GABRR1: variants seen among roughly 807,000 people sequenced by gnomAD.
GABRR1 encodes gamma-aminobutyric acid receptor subunit rho-1.
In GABRR1, 59 loss-of-function variants were observed where a neutral mutation model predicts 55.5. The ratio of observed to expected loss-of-function variants is 1.06; its 90% confidence interval spans 0.86 to 1.32. The LOEUF (loss-of-function observed/expected upper bound fraction) is 1.32. Among genes scored for constraint, GABRR1 ranks in the 40% most tolerant of loss-of-function variants. GABRR1 has a pLI of 0.00. For synonymous variants in GABRR1, 213 were observed against 226.0 expected, an observed-to-expected ratio of 0.94 and a Z score of 0.51; for missense variants, 602 against 619.1, an observed-to-expected ratio of 0.97 and a Z score of 0.29.
Position 89,185,434 on chromosome 6 carries a change from A to G in GABRR1, c.672T>C (p.Asp224=). Residue 224 remains aspartate (D), a synonymous_variant, in exon 7 of 10, where the codon GAT becomes GAC. Transcript: ENST00000454853. The part of the protein sequence containing the change: ...LEIESYAYTE[D]DLMLYWKKGN... ...CCTTTTTCCAGTACAGCATGAGGTC[A>G]TCTTCTGTATAGGCATCTGAAAAGA... 6.2e-7 allele frequency: 1 copy of G among 1,613,564 alleles called. No homozygotes were observed. Among genetic ancestry groups the G allele is most frequent in the East Asian group, 2.2e-5 (1 of 44,824 alleles).
chr6:89,192,530 A>G (rs1162100563), intron 5 of GABRR1, among the ~76,000 whole-genome samples: 1 of 149,180 alleles, frequency 6.7e-6, no homozygotes, highest in Non-Finnish European at 1.5e-5. Context: ...TCCCGCTGTC[A>G]TTGACTCCTC....
chr6:89,208,894 G>T (rs1236466280), intron 1 of GABRR1, among the ~76,000 whole-genome samples: 1 of 152,204 alleles, frequency 6.6e-6, no homozygotes, highest in Non-Finnish European at 1.5e-5. Context: ...GCAGCCAAAG[G>T]GCTGCCAGGG....
intron 7 of GABRR1, among the ~76,000 whole-genome samples, chr6:89,183,368 C>T (rs1393116445): frequency 6.6e-6 from 1 of 152,124 alleles, no homozygotes; most frequent in African/African-American, 2.4e-5. Context: ...GGAACCAATA[C>T]TTTGGGGTGA....
intron 1 of GABRR1, among the ~76,000 whole-genome samples, chr6:89,209,362 T>C (rs571179312): frequency 6.6e-6 from 1 of 152,300 alleles, no homozygotes; most frequent in African/African-American, 2.4e-5. Context: ...TACTACTTTC[T>C]AACTTGTAGA....
rs1771624549 is a variant in GABRR1, at chr6:89,178,939, AT to A, written c.1270del (p.Met424TrpfsTer4). ...CTCTGAGGCCAGGGTCAGCTGCACC[AT>A]CATCCTGTCGGGCTTCTCTCCATTC... The part of the protein sequence containing the change: ...PENGEKPDRM[M>X]VQLTLASERS... On this transcript the variant is annotated frameshift_variant, in exon 10 of 10. Transcript: ENST00000454853. LOFTEE classifies it high-confidence loss of function. 3 of 1,614,170 alleles carry A rather than the reference AT, an allele frequency of 1.9e-6. No individual in the cohort carries two copies. In the Admixed American group the frequency reaches 5.0e-5, roughly 27 times the overall value.
chr6:89,188,723 T>C (rs997582336), intron 6 of GABRR1, among the ~76,000 whole-genome samples: 8 of 152,200 alleles, frequency 5.3e-5, no homozygotes, highest in African/African-American at 1.9e-4. Flanking sequence ...TGGGTTGCCT[T>C]TTTACTCTGA....
chr6:89,224,657 C>A (rs939235034), intron 1 of GABRR1, among the ~76,000 whole-genome samples: 20 of 152,328 alleles, frequency 1.3e-4, no homozygotes, highest in African/African-American at 4.6e-4. Flanking sequence ...TTTTGCTGTG[C>A]AGAAGCTCTT....
At chr6:89,206,015 G>A (rs1037650768) in intron 1 of GABRR1, among the ~76,000 whole-genome samples, 1 of 150,474 alleles carries the variant, frequency 6.6e-6, no homozygotes, top group African/African-American at 2.5e-5. Context: ...GGCCACGAAA[G>A]GCCAACTGGG....
intron 1 of GABRR1, among the ~76,000 whole-genome samples, chr6:89,209,193 TAC>T (rs1213893416): frequency 6.6e-6 from 1 of 152,218 alleles, no homozygotes; most frequent in Non-Finnish European, 1.5e-5. Context: ...TTTTTCCTTG[TAC>T]ATATATGTCT....
intron 6 of GABRR1, 76 bp from the exon 7 acceptor site, chr6:89,185,526 T>C: frequency 1.6e-6 from 2 of 1,278,068 alleles, no homozygotes; most frequent in Non-Finnish European, 2.3e-6. Context: ...GTAGAAGCTG[T>C]GTCCTGACCT....
chr6:89,185,535 C>T (rs1771877059), intron 6 of GABRR1, 85 bp from the exon 7 acceptor site: 3 of 1,156,018 alleles, frequency 2.6e-6, no homozygotes, highest in East Asian at 2.3e-5. Flanking sequence ...GTGTCCTGAC[C>T]TCCCACACTG....
rs1180441814 is a variant in GABRR1 at position 89,203,485 on chromosome 6, C to T, written c.123G>A (p.Arg41=). 6 of 1,609,624 alleles carry T rather than the reference C, an allele frequency of 3.7e-6. No homozygotes were observed. The highest frequency in any genetic ancestry group is 1.1e-5 in the South Asian group (1 of 90,998). The part of the protein sequence containing the change: ...REVHEMSKKG[R]PQRQRREVHE... ...GTACTTCTCGTCTTTGTCTTTGGGGCCTACCATGAACATTAAAAATAAAGA... is the reference window on the plus strand; with the variant it reads ...GTACTTCTCGTCTTTGTCTTTGGGGTCTACCATGAACATTAAAAATAAAGA... The change falls in exon 2 of 10, where the codon AGG becomes AGA. Residue 41 remains arginine, a splice_region_variant and synonymous_variant. Coordinates refer to ENST00000454853, the MANE Select transcript of GABRR1 (RefSeq NM_002042.5).
chr6:89,211,581 T>G (rs1162682769), intron 1 of GABRR1, among the ~76,000 whole-genome samples: 4 of 152,172 alleles, frequency 2.6e-5, no homozygotes, highest in Non-Finnish European at 5.9e-5. Context: ...ATTTTGACCT[T>G]GGAGTGATCT....
At chr6:89,212,991 T>C (rs1179195915) in intron 1 of GABRR1, among the ~76,000 whole-genome samples, 1 of 152,154 alleles carries the variant, frequency 6.6e-6, no homozygotes, top group African/African-American at 2.4e-5. Flanking sequence ...AAGTTTTGAT[T>C]CTAGAAACAT....
intron 7 of GABRR1, among the ~76,000 whole-genome samples, chr6:89,183,146 G>GA (rs66539825): frequency 1.9e-4 from 25 of 128,558 alleles, no homozygotes; most frequent in East Asian, 4.4e-4. Flanking sequence ...GAGGATGATG[G>GA]AAAAAAAAAA....
chr6:89,205,987 T>C (rs1467739502), intron 1 of GABRR1, among the ~76,000 whole-genome samples: 12 of 151,336 alleles, frequency 7.9e-5, no homozygotes, highest in Non-Finnish European at 2.9e-5. Context: ...AGGGCTACAT[T>C]TTTCTGATGT....
At chr6:89,195,784 C>G (rs1001861990) in intron 5 of GABRR1, among the ~76,000 whole-genome samples, 4 of 152,190 alleles carry the variant, frequency 2.6e-5, no homozygotes, top group Non-Finnish European at 5.9e-5. Flanking sequence ...ATGGTGGAAA[C>G]ACTGCATAAT....
At chr6:89,213,614 T>A (rs1034632810) in intron 1 of GABRR1, among the ~76,000 whole-genome samples, 5 of 152,232 alleles carry the variant, frequency 3.3e-5, no homozygotes, top group African/African-American at 1.2e-4. Flanking sequence ...AGGAAAACAC[T>A]TAAATGGTGG....
At chr6:89,186,476 C>G (rs931137311) in intron 6 of GABRR1, among the ~76,000 whole-genome samples, 1 of 152,246 alleles carries the variant, frequency 6.6e-6, no homozygotes, top group Non-Finnish European at 1.5e-5. Flanking sequence ...TCCTGCACTC[C>G]TGATGGCCCG....
Sources: gnomAD v4.1 joint callset for allele counts (sites outside exome capture counted in the v4.1 genomes callset) on GRCh38, gnomAD v4.1.1 for gene constraint, MANE v1.5 for transcripts, NCBI Gene and HGNC (gene_info 2026-07-23, HGNC 2026-07-21) for gene names.